Variants in BACH1 observed in about 807,000 individuals in gnomAD.
The protein encoded by BACH1 is transcription regulator protein BACH1.
A neutral mutation model predicts 52.9 loss-of-function variants in BACH1; 35 were observed. The ratio of observed to expected loss-of-function variants is 0.66; its 90% CI spans 0.51 to 0.88. The LOEUF (loss-of-function observed/expected upper bound fraction) is 0.88, where lower values mean the gene tolerates loss of function less well. Ranked by LOEUF, BACH1 falls within the 40% of genes least tolerant of loss-of-function variation. The probability of loss-of-function intolerance (pLI) is 0.00; values close to 1 mark genes in which losing one functional copy is unlikely to be tolerated. For missense variants in BACH1, 808 were observed against 872.6 expected (o/e 0.93, Z 0.93); for synonymous variants, 321 against 319.6 (o/e 1.00, Z -0.05).
chr21:29,346,277 CAAAAAAA>C (rs10717581), downstream of BACH1: 1 of 148,868 alleles, frequency 6.7e-6, no homozygotes, highest in African/African-American at 2.5e-5. Context: ...AATCATGCCT[CAAAAAAA>C]AAAAAATTCC....
intron 2 of BACH1, among the ~76,000 whole-genome samples, chr21:29,358,845 TAGAA>T (rs534122748): frequency 5.7e-4 from 84 of 147,770 alleles, no homozygotes; most frequent in African/African-American, 1.8e-3. Context: ...AAGTGCTAAA[TAGAA>T]AGAAGTAAAA....
chr21:29,304,051 CT>C (rs1345798544), intron 1 of BACH1, among the ~76,000 whole-genome samples: 1 of 151,470 alleles, frequency 6.6e-6, no homozygotes, highest in Non-Finnish European at 1.5e-5. Context: ...AATGTAAACA[CT>C]TTTTGCAGTG....
At chr21:29,301,101 TG>T in intron 1 of BACH1, among the ~76,000 whole-genome samples, 1 of 152,218 alleles carries the variant, frequency 6.6e-6, no homozygotes. Context: ...TTCCTATTAA[TG>T]GTAGTTCATT....
At position 29,326,797 on chromosome 21, in the gene BACH1, C is replaced by A; in HGVS notation, c.973C>A (p.Leu325Ile). The A allele has an allele frequency of 6.2e-7, 1 of 1,614,102 alleles. No homozygotes were observed. Among genetic ancestry groups the A allele is most frequent in the Non-Finnish European group, 8.5e-7 (1 of 1,180,042 alleles). The change falls in exon 3 of 5, where the codon CTT (leucine) becomes ATT (isoleucine). Residue 325 changes from leucine to isoleucine, a missense_variant. Transcript: ENST00000286800. ...IDPHGLYSLS[L>I]LHTYDQYGDL... ...CCCTCATGGACTTTATTCTTTGTCT[C>A]TTTTACACACATATGACCAATATGG...
intron 1 of BACH1, among the ~76,000 whole-genome samples, chr21:29,309,837 T>C (rs1420654751): frequency 6.6e-6 from 1 of 152,218 alleles, no homozygotes; most frequent in East Asian, 1.9e-4. Flanking sequence ...TTGTCCCTAA[T>C]AATTCTGTGT....
chr21:29,309,649 A>G (rs552798911), intron 1 of BACH1, among the ~76,000 whole-genome samples: 4 of 152,292 alleles, frequency 2.6e-5, no homozygotes, highest in Admixed American at 2.0e-4. Flanking sequence ...GACTTGTGCA[A>G]TTTTAATATT....
At chr21:29,312,652 A>T (rs1406986991) in intron 1 of BACH1, among the ~76,000 whole-genome samples, 1 of 152,212 alleles carries the variant, frequency 6.6e-6, no homozygotes, top group East Asian at 1.9e-4. Context: ...ATGAAGTTTA[A>T]AAAAACCAAC....
intron 2 of BACH1, among the ~76,000 whole-genome samples, chr21:29,352,054 T>C (rs1006909152): frequency 3.0e-4 from 45 of 151,998 alleles, no homozygotes; most frequent in African/African-American, 1.1e-3. Context: ...CAGACCTAGT[T>C]TTCTTTTTTT....
Position 29,326,524 on chromosome 21 carries a change from T to A in BACH1, c.700T>A (p.Phe234Ile). 1 of 1,614,120 alleles carries A rather than the reference T, an allele frequency of 6.2e-7. No individual in the cohort carries two copies. The highest frequency in any genetic ancestry group is 1.6e-4 in the Middle Eastern group (1 of 6,062). ...CAAATACAGAAAATTCCAAAAAGCA[T>A]TTGGAACTGACAGAGTCCGTACTGG... ...CPKYRKFQKA[F>I]GTDRVRTGES... Residue 234 changes from phenylalanine (F) to isoleucine (I), a missense_variant, in exon 3 of 5, where the codon TTT becomes ATT. By Grantham distance (21) the Phe-to-Ile change is conservative (BLOSUM62 0). Coordinates refer to ENST00000286800, the MANE Select transcript of BACH1 (RefSeq NM_001186.4).
chr21:29,350,257 C>G (rs1012363209), downstream of BACH1, among the ~76,000 whole-genome samples: 2 of 152,222 alleles, frequency 1.3e-5, no homozygotes, highest in Non-Finnish European at 2.9e-5. Flanking sequence ...TACCCAAACT[C>G]TGCTCTTCTG....
At chr21:29,319,537 A>G (rs753639910) in intron 1 of BACH1, among the ~76,000 whole-genome samples, 1 of 151,802 alleles carries the variant, frequency 6.6e-6, no homozygotes, top group Non-Finnish European at 1.5e-5. Context: ...ACATACCAGA[A>G]AACTGGTGAA....
intron 1 of BACH1, among the ~76,000 whole-genome samples, chr21:29,302,035 A>G (rs2088609452): frequency 6.6e-6 from 1 of 152,174 alleles, no homozygotes; most frequent in South Asian, 2.1e-4. Context: ...ACCACTTGTC[A>G]GATTTTCTCT....
chr21:29,312,281 A>G (rs1437584241), intron 1 of BACH1, among the ~76,000 whole-genome samples: 1 of 152,116 alleles, frequency 6.6e-6, no homozygotes, highest in Admixed American at 6.5e-5. Flanking sequence ...TGGGATAGTA[A>G]CAATTGCACC....
chr21:29,321,790 G>C (rs2088851437), intron 2 of BACH1, among the ~76,000 whole-genome samples: 1 of 151,794 alleles, frequency 6.6e-6, no homozygotes, highest in Admixed American at 6.6e-5. Context: ...CCAGTGGATT[G>C]TAGGCAATTG....
At chr21:29,311,589 A>C (rs1199798356) in intron 1 of BACH1, among the ~76,000 whole-genome samples, 1 of 152,030 alleles carries the variant, frequency 6.6e-6, no homozygotes, top group Non-Finnish European at 1.5e-5. Context: ...TCAACCTAAG[A>C]TATTATCTGT....
At chr21:29,348,559 A>G (rs571599325), downstream of BACH1, among the ~76,000 whole-genome samples, 1 of 152,344 alleles carries the variant, frequency 6.6e-6, no homozygotes, top group East Asian at 1.9e-4. Context: ...AAGGACGCTC[A>G]AAAAGGGCTT....
chr21:29,350,926 A>G (rs191589244), downstream of BACH1, among the ~76,000 whole-genome samples: 1 of 152,272 alleles, frequency 6.6e-6, no homozygotes, highest in East Asian at 1.9e-4. Context: ...TCATCTGCAC[A>G]CTCCACTACT....
intron 3 of BACH1, among the ~76,000 whole-genome samples, chr21:29,329,271 G>A (rs937933448): frequency 4.6e-5 from 7 of 152,140 alleles, no homozygotes; most frequent in Non-Finnish European, 8.8e-5. Context: ...TTGTGCCACC[G>A]TACTCCTGCA....
At chr21:29,319,293 A>G (rs749156049) in intron 1 of BACH1, among the ~76,000 whole-genome samples, 5 of 152,198 alleles carry the variant, frequency 3.3e-5, no homozygotes, top group African/African-American at 9.7e-5. Flanking sequence ...TTGGATATCT[A>G]TGAGACAGGG....
Sources: gnomAD v4.1 joint callset for allele counts (sites outside exome capture counted in the v4.1 genomes callset) on GRCh38, gnomAD v4.1.1 for gene constraint, MANE v1.5 for transcripts, NCBI Gene and HGNC (gene_info 2026-07-23, HGNC 2026-07-21) for gene names.